SYK: variants seen among roughly 807,000 people sequenced by gnomAD.
The protein encoded by SYK is spleen associated tyrosine kinase, also known as tyrosine-protein kinase SYK.
SYK carries 16 observed loss-of-function variants against 77.8 expected under a neutral mutation model. The observed-to-expected ratio is 0.21, with a 90% CI of 0.14 to 0.31. SYK has a LOEUF of 0.31. Ranked by LOEUF, SYK falls within the 10% of genes least tolerant of loss-of-function variation. The pLI is 1.00. For missense variants in SYK, 529 were observed against 814.4 expected, an observed-to-expected ratio of 0.65 and a Z score of 4.26; for synonymous variants, 312 against 308.7, an observed-to-expected ratio of 1.01 and a Z score of -0.11.
At chr9:90,889,156 G>A (rs1281456618) in intron 13 of SYK, among the ~76,000 whole-genome samples, 1 of 152,224 alleles carries the variant, frequency 6.6e-6, no homozygotes, top group African/African-American at 2.4e-5. Flanking sequence ...TCGCTTAGTG[G>A]ATCCCAGGTG....
At chr9:90,822,914 T>C (rs983950905) in intron 1 of SYK, among the ~76,000 whole-genome samples, 1 of 152,216 alleles carries the variant, frequency 6.6e-6, no homozygotes, top group Non-Finnish European at 1.5e-5. Flanking sequence ...AATACAAGCC[T>C]CACTAGGTTC....
At chr9:90,882,069 G>T (rs574019510) in intron 11 of SYK, among the ~76,000 whole-genome samples, 5 of 152,292 alleles carry the variant, frequency 3.3e-5, no homozygotes, top group Non-Finnish European at 7.4e-5. Flanking sequence ...AGTGCTCAAA[G>T]AATATGCCCC....
At chr9:90,834,926 T>C (rs1826015378) in intron 1 of SYK, among the ~76,000 whole-genome samples, 1 of 152,212 alleles carries the variant, frequency 6.6e-6, no homozygotes, top group Non-Finnish European at 1.5e-5. Context: ...CACAGTGGTT[T>C]CCAGTCAGGG....
chr9:90,816,976 T>C (rs954520131), intron 1 of SYK, among the ~76,000 whole-genome samples: 4 of 152,256 alleles, frequency 2.6e-5, no homozygotes, highest in Non-Finnish European at 5.9e-5. Flanking sequence ...ATCTTGGCTA[T>C]TGCGAATAGT....
intron 11 of SYK, among the ~76,000 whole-genome samples, chr9:90,879,932 C>G (rs996372782): frequency 6.6e-6 from 1 of 152,230 alleles, no homozygotes; most frequent in Non-Finnish European, 1.5e-5. Context: ...TAAGAAAGCT[C>G]TATCTTCATA....
intron 11 of SYK, among the ~76,000 whole-genome samples, chr9:90,885,622 A>G (rs1202403856): frequency 6.6e-6 from 1 of 152,256 alleles, no homozygotes; most frequent in East Asian, 1.9e-4. Context: ...TTAATGAAAT[A>G]TTAGATCAAA....
Position 90,896,607 on chromosome 9 carries a change from G to T in SYK, c.*1007G>T, listed in dbSNP as rs1828998957. ...TAATTCAGAACAAGCCAAAGACCCTGAGCCTCACCACAAACAGGCCTTTTG... is the reference window on the plus strand; with the variant it reads ...TAATTCAGAACAAGCCAAAGACCCTTAGCCTCACCACAAACAGGCCTTTTG... On this transcript the variant is annotated 3_prime_UTR_variant, in exon 14 of 14. Coordinates refer to ENST00000375754, the MANE Select transcript of SYK (RefSeq NM_003177.7). The T allele has an allele frequency of 8.6e-6, 2 of 232,844 alleles. No homozygotes were observed. The highest frequency in any genetic ancestry group is 2.2e-5 in the African/African-American group (1 of 45,320). The allele number at this position is 232,844 out of a possible 1,614,324, so 14.4% of individuals were successfully genotyped here.
chr9:90,849,742 C>T (rs1826744904), intron 3 of SYK, among the ~76,000 whole-genome samples: 2 of 152,348 alleles, frequency 1.3e-5, no homozygotes, highest in South Asian at 2.1e-4. Flanking sequence ...AATGCTGGCT[C>T]CACCTTATCA....
At chr9:90,860,159 C>A (rs1285332299) in intron 3 of SYK, among the ~76,000 whole-genome samples, 2 of 152,178 alleles carry the variant, frequency 1.3e-5, no homozygotes, top group Admixed American at 1.3e-4. Context: ...TGGTTCAGAT[C>A]CCATGTATTA....
At chr9:90,861,550 TG>T (rs1827264116) in intron 3 of SYK, among the ~76,000 whole-genome samples, 1 of 35,062 alleles carries the variant, frequency 2.9e-5, no homozygotes, top group Admixed American at 3.2e-4. Flanking sequence ...TTTCCTGCAG[TG>T]GGAGAGTGGA....
At chr9:90,874,327 G>C in intron 8 of SYK, 36 bp downstream of exon 8, 1 of 1,599,430 alleles carries the variant, frequency 6.3e-7, no homozygotes, top group South Asian at 1.1e-5. Flanking sequence ...CATTCACAGA[G>C]CAAAGTGCGT....
At chr9:90,842,041 C>T (rs111162739) in intron 1 of SYK, among the ~76,000 whole-genome samples, 1,850 of 98,498 alleles carry the variant, frequency 0.019, 43 homozygotes, top group African/African-American at 0.062. Flanking sequence ...GTGTGGTGTA[C>T]GTGTAGTTGG....
intron 3 of SYK, among the ~76,000 whole-genome samples, chr9:90,860,701 T>G (rs1827222161): frequency 6.6e-6 from 1 of 152,182 alleles, no homozygotes; most frequent in African/African-American, 2.4e-5. Context: ...AGACACTTAT[T>G]CTGAATTTCA....
chr9:90,813,205 T>C (rs1380947241), intron 1 of SYK, among the ~76,000 whole-genome samples: 1 of 152,162 alleles, frequency 6.6e-6, no homozygotes, highest in Non-Finnish European at 1.5e-5. Flanking sequence ...CCATAGTTTC[T>C]TGGTGTCTGT....
intron 3 of SYK, among the ~76,000 whole-genome samples, chr9:90,857,256 A>G (rs915647208): frequency 1.3e-5 from 2 of 152,230 alleles, no homozygotes; most frequent in Middle Eastern, 3.2e-3. Context: ...TGATCAAAGT[A>G]TGCCATTTTA....
chr9:90,876,578 A>G (rs751140449), intron 9 of SYK, among the ~76,000 whole-genome samples: 3 of 152,206 alleles, frequency 2.0e-5, no homozygotes, highest in Non-Finnish European at 4.4e-5. Context: ...AAGCTTTTTC[A>G]GATTATGAAA....
chr9:90,834,636 G>A (rs369699162), intron 1 of SYK, among the ~76,000 whole-genome samples: 11 of 152,294 alleles, frequency 7.2e-5, no homozygotes, highest in African/African-American at 2.6e-4. Context: ...TGGTAAAAAG[G>A]CTAGAACAAG....
chr9:90,841,615 TTG>T (rs945421945), intron 1 of SYK, among the ~76,000 whole-genome samples: 11 of 150,802 alleles, frequency 7.3e-5, no homozygotes, highest in African/African-American at 2.7e-4. Context: ...CGTGTGTGTT[TTG>T]TGTGTGTAGT....
chr9:90,837,264 C>G (rs1826120013), intron 1 of SYK, among the ~76,000 whole-genome samples: 1 of 152,084 alleles, frequency 6.6e-6, no homozygotes, highest in African/African-American at 2.4e-5. Flanking sequence ...ATTTTGCCAG[C>G]CTCTGGTTAA....
Sources: allele counts gnomAD v4.1 joint callset (sites outside exome capture counted in the v4.1 genomes callset), GRCh38; gene constraint gnomAD v4.1.1; transcripts MANE v1.5; gene names NCBI Gene and HGNC (gene_info 2026-07-23, HGNC 2026-07-21).